The following WDR41 variants were observed in gnomAD, a reference collection of about 807,000 sequenced individuals.
WDR41 encodes the protein WD repeat domain 41.
Under a neutral mutation model 69.3 loss-of-function variants are expected in WDR41, and 63 were observed. The ratio of observed to expected loss-of-function variants is 0.91; its 90% confidence interval spans 0.74 to 1.12. The LOEUF is 1.12. WDR41 is among the 50% of genes most tolerant of loss of function. The probability of loss-of-function intolerance (pLI) is 0.00; values close to 1 mark genes in which losing one functional copy is unlikely to be tolerated. For synonymous variants in WDR41, 185 were observed against 192.1 expected, an observed-to-expected ratio of 0.96 and a Z score of 0.31; for missense variants, 543 against 534.5, an observed-to-expected ratio of 1.02 and a Z score of -0.16.
upstream of WDR41, among the ~76,000 whole-genome samples, chr5:77,494,885 T>C (rs1801915109): frequency 6.6e-6 from 1 of 152,202 alleles, no homozygotes; most frequent in East Asian, 1.9e-4. Context: ...TTCTCTTAGA[T>C]AGACCATATG....
intron 1 of WDR41, among the ~76,000 whole-genome samples, chr5:77,551,003 G>A (rs1743285298): frequency 6.6e-6 from 1 of 152,050 alleles, no homozygotes; most frequent in African/African-American, 2.4e-5. Context: ...CTAAGCATTG[G>A]GTAAACATGA....
Position 77,489,489 on chromosome 5 carries a change from A to G in WDR41, c.135T>C (p.Ile45=). 6.2e-7 allele frequency: 1 copy of G among 1,608,142 alleles called. No homozygotes were observed. The highest frequency in any genetic ancestry group is 2.2e-5 in the East Asian group (1 of 44,636). Residue 45 remains isoleucine (I), a synonymous_variant, in exon 2 of 13, where the codon ATT becomes ATC. Coordinates refer to ENST00000296679, the MANE Select transcript of WDR41 (RefSeq NM_018268.4). ...CATCTAACTGTACCAGAAATCGTAC[A>G]ATATCATGATGAGCCTTCAGTACTA... The part of the protein sequence containing the change: ...ELLVLKAHHD[I]VRFLVQLDDY...
In WDR41 at chr5:77,459,144, T is replaced by A. The variant is rs753727483; in HGVS notation, c.349-20A>T. ...CCACACCTAAATTTATGTTAAGAAA[T>A]AATTTCTAAACAGAATTTTAAAATC... On this transcript the variant is annotated intron_variant, in intron 4 of 12. Coordinates refer to ENST00000296679, the MANE Select transcript of WDR41 (RefSeq NM_018268.4). 101 of 1,542,222 alleles carry A rather than the reference T, an allele frequency of 6.5e-5. No individual in the cohort carries two copies. The highest frequency in any genetic ancestry group is 8.3e-5 in the Non-Finnish European group (93 of 1,124,588).
At chr5:77,503,226 C>T (rs949841017) in intron 1 of WDR41, among the ~76,000 whole-genome samples, 16 of 148,998 alleles carry the variant, frequency 1.1e-4, no homozygotes, top group African/African-American at 4.0e-4. Context: ...AGTTGCCATC[C>T]TAGTCTCTGA....
intron 1 of WDR41, among the ~76,000 whole-genome samples, chr5:77,566,630 G>A (rs1235555397): frequency 2.6e-5 from 4 of 152,106 alleles, no homozygotes; most frequent in Non-Finnish European, 4.4e-5. Context: ...TGAGGGTGTG[G>A]TGCATACATA....
Position 77,608,561 on chromosome 5 carries a change from T to C in WDR41, c.42+11918A>G, listed in dbSNP as rs550617292. 7.9e-5 allele frequency among the ~76,000 whole-genome samples: 12 copies of C among 152,344 alleles called. No individual in the cohort carries two copies. The South Asian group carries it at 1.7e-3, about 21-fold the overall frequency. On this transcript the variant is annotated intron_variant, in intron 1 of 5. Coordinates refer to the WDR41 transcript ENST00000509971. ...ACATTTCAAGTACCTAAAAGCCACA[T>C]GTAGTCATTAGATAGTGCATATACA...
At chr5:77,594,082 T>C (rs537158050) in intron 1 of WDR41, among the ~76,000 whole-genome samples, 3 of 151,962 alleles carry the variant, frequency 2.0e-5, no homozygotes, top group African/African-American at 4.8e-5. Context: ...AATCAAGTCA[T>C]TGAAAATAAA....
chr5:77,520,581 T>C (rs1051890478), intron 1 of WDR41, among the ~76,000 whole-genome samples: 1 of 152,194 alleles, frequency 6.6e-6, no homozygotes, highest in Non-Finnish European at 1.5e-5. Flanking sequence ...CCAAATTTAC[T>C]AGCTTTATCC....
At chr5:77,459,731 T>C (rs142155677) in intron 4 of WDR41, among the ~76,000 whole-genome samples, 2 of 152,354 alleles carry the variant, frequency 1.3e-5, no homozygotes, top group East Asian at 3.9e-4. Context: ...TGAAAACACA[T>C]TTACATACAT....
chr5:77,541,581 C>T (rs1743089676), intron 1 of WDR41, among the ~76,000 whole-genome samples: 1 of 150,108 alleles, frequency 6.7e-6, no homozygotes, highest in South Asian at 2.1e-4. Context: ...CAACCTCTGC[C>T]TCCCAGGTTC....
chr5:77,496,079 A>C (rs1350156467), upstream of WDR41, among the ~76,000 whole-genome samples: 1 of 152,074 alleles, frequency 6.6e-6, no homozygotes, highest in Non-Finnish European at 1.5e-5. Flanking sequence ...CTTTTATCAC[A>C]AAACTCTCAG....
At chr5:77,580,611 G>T (rs1051313021) in intron 1 of WDR41, among the ~76,000 whole-genome samples, 1 of 151,810 alleles carries the variant, frequency 6.6e-6, no homozygotes, top group Admixed American at 6.6e-5. Flanking sequence ...AGAAAAATAC[G>T]CTTAATGCAA....
intron 1 of WDR41, among the ~76,000 whole-genome samples, chr5:77,584,895 T>C (rs1187728975): frequency 3.3e-5 from 5 of 152,176 alleles, no homozygotes; most frequent in African/African-American, 4.8e-5. Context: ...GGAAAAACCC[T>C]TCTAGACACT....
chr5:77,612,505 A>G (rs1027124911), intron 1 of WDR41, among the ~76,000 whole-genome samples: 8 of 152,218 alleles, frequency 5.3e-5, no homozygotes, highest in Non-Finnish European at 1.2e-4. Flanking sequence ...AAATCAATAA[A>G]TGTAATCCAG....
chr5:77,611,917 A>T (rs1744561768), intron 1 of WDR41, among the ~76,000 whole-genome samples: 1 of 152,140 alleles, frequency 6.6e-6, no homozygotes, highest in African/African-American at 2.4e-5. Context: ...AGAAAAAAAG[A>T]GAGAAGAATC....
intron 1 of WDR41, among the ~76,000 whole-genome samples, chr5:77,533,939 G>A (rs1169323898): frequency 6.6e-6 from 1 of 152,084 alleles, no homozygotes; most frequent in Admixed American, 6.6e-5. Context: ...GAATTATTTT[G>A]TGGAGTTGTT....
intron 1 of WDR41, among the ~76,000 whole-genome samples, chr5:77,614,359 T>C (rs866428551): frequency 6.6e-6 from 1 of 151,486 alleles, no homozygotes; most frequent in African/African-American, 2.4e-5. Flanking sequence ...ATGTTTATTG[T>C]GGCACTATTC....
intron 2 of WDR41, among the ~76,000 whole-genome samples, chr5:77,474,587 A>G (rs1375400046): frequency 1.3e-5 from 2 of 152,150 alleles, no homozygotes; most frequent in African/African-American, 4.8e-5. Context: ...GACGCAACCA[A>G]TTCCTTAATT....
chr5:77,568,650 A>G (rs540208050), intron 1 of WDR41, among the ~76,000 whole-genome samples: 26 of 152,320 alleles, frequency 1.7e-4, no homozygotes, highest in African/African-American at 6.0e-4. Context: ...ACTAAACAAT[A>G]TAGTGCCCAT....
Sources: gnomAD v4.1 joint callset for allele counts (sites outside exome capture counted in the v4.1 genomes callset) on GRCh38, gnomAD v4.1.1 for gene constraint, MANE v1.5 for transcripts, NCBI Gene and HGNC (gene_info 2026-07-23, HGNC 2026-07-21) for gene names.